The following LOC128125817 variants were observed in gnomAD, a reference collection of about 807,000 sequenced individuals.
the LOC128125817 span, among the ~76,000 whole-genome samples, chr1:41,591,170 T>A: frequency 6.6e-6 from 1 of 152,212 alleles, no homozygotes; most frequent in Admixed American, 6.5e-5. Flanking sequence ...GCTCTGCTGC[T>A]TTTAGGCTGA....
the LOC128125817 span, among the ~76,000 whole-genome samples, chr1:41,610,354 C>T: frequency 6.6e-6 from 1 of 152,230 alleles, no homozygotes; most frequent in Non-Finnish European, 1.5e-5. Context: ...TATTTGTTTA[C>T]AAGCTTTTCT....
At chr1:41,615,012 T>G in the LOC128125817 span, among the ~76,000 whole-genome samples, 1 of 152,230 alleles carries the variant, frequency 6.6e-6, no homozygotes, top group African/African-American at 2.4e-5. Flanking sequence ...GAAGGCCAGG[T>G]GGGCCCCACC....
the LOC128125817 span, among the ~76,000 whole-genome samples, chr1:41,615,167 G>C: frequency 6.6e-6 from 1 of 152,182 alleles, no homozygotes; most frequent in Non-Finnish European, 1.5e-5. Flanking sequence ...CTTGTTTAAA[G>C]GTTACTTCTT....
At chr1:41,614,248 T>C in the LOC128125817 span, among the ~76,000 whole-genome samples, 34 of 152,094 alleles carry the variant, frequency 2.2e-4, no homozygotes, top group African/African-American at 8.0e-4. Context: ...TGCCTGAAAA[T>C]ATAATTATCT....
the LOC128125817 span, among the ~76,000 whole-genome samples, chr1:41,613,122 C>T: frequency 6.6e-6 from 1 of 152,242 alleles, no homozygotes; most frequent in Non-Finnish European, 1.5e-5. Flanking sequence ...GGGCTCACTG[C>T]CTGCAGGGAC....
chr1:41,588,736 G>A, the LOC128125817 span, among the ~76,000 whole-genome samples: 2 of 152,172 alleles, frequency 1.3e-5, no homozygotes, highest in Non-Finnish European at 2.9e-5. Context: ...CAGAGTGAGC[G>A]AGGCCTGTGA....
At chr1:41,605,381 A>G in the LOC128125817 span, among the ~76,000 whole-genome samples, 26 of 150,844 alleles carry the variant, frequency 1.7e-4, no homozygotes, top group East Asian at 7.7e-4. Context: ...ACGCGCACAC[A>G]CACACACACA....
At chr1:41,611,073 G>A in the LOC128125817 span, among the ~76,000 whole-genome samples, 2 of 152,246 alleles carry the variant, frequency 1.3e-5, no homozygotes, top group Non-Finnish European at 2.9e-5. Flanking sequence ...GGCTCAGGGT[G>A]TGGGGGCAGA....
At chr1:41,622,711 G>A in the LOC128125817 span, among the ~76,000 whole-genome samples, 2 of 152,152 alleles carry the variant, frequency 1.3e-5, no homozygotes, top group African/African-American at 4.8e-5. Flanking sequence ...CAGATAGCAG[G>A]GTCAGATTTG....
the LOC128125817 span, among the ~76,000 whole-genome samples, chr1:41,592,443 T>C: frequency 6.6e-6 from 1 of 152,248 alleles, no homozygotes; most frequent in Non-Finnish European, 1.5e-5. Context: ...TTTCCTAGTT[T>C]GCTCAGGCTG....
At chr1:41,612,099 A>G in the LOC128125817 span, among the ~76,000 whole-genome samples, 1 of 118,054 alleles carries the variant, frequency 8.5e-6, no homozygotes, top group African/African-American at 3.3e-5. Flanking sequence ...ACTCCCACCC[A>G]CCTGTGCCCC....
chr1:41,619,474 T>C, the LOC128125817 span, among the ~76,000 whole-genome samples: 3 of 152,174 alleles, frequency 2.0e-5, no homozygotes, highest in Non-Finnish European at 4.4e-5. Flanking sequence ...AGTGACGATA[T>C]GTTTGTCTAT....
the LOC128125817 span, among the ~76,000 whole-genome samples, chr1:41,591,527 A>G: frequency 2.0e-5 from 3 of 152,054 alleles, no homozygotes; most frequent in Non-Finnish European, 4.4e-5. Context: ...CCAGGGCACA[A>G]GCTAGAACTG....
the LOC128125817 span, among the ~76,000 whole-genome samples, chr1:41,593,680 CT>C: frequency 6.6e-6 from 1 of 152,252 alleles, no homozygotes; most frequent in Non-Finnish European, 1.5e-5. Context: ...TATAAACTGT[CT>C]CTTTAACATT....
At chr1:41,585,477 T>C in the LOC128125817 span, among the ~76,000 whole-genome samples, 3 of 152,020 alleles carry the variant, frequency 2.0e-5, no homozygotes, top group Non-Finnish European at 4.4e-5. Context: ...AACCACAGGC[T>C]CCGGCTCCAC....
chr1:41,594,395 G>C, the LOC128125817 span, among the ~76,000 whole-genome samples: 131 of 151,928 alleles, frequency 8.6e-4, no homozygotes, highest in African/African-American at 2.9e-3. Context: ...GATAATTTTC[G>C]TATTTTTAGT....
At chr1:41,598,263 C>T in the LOC128125817 span, among the ~76,000 whole-genome samples, 8 of 152,236 alleles carry the variant, frequency 5.3e-5, no homozygotes, top group Non-Finnish European at 7.3e-5. Context: ...TTGTCAGTTT[C>T]TGGCAGGTCT....
the LOC128125817 span, among the ~76,000 whole-genome samples, chr1:41,587,087 T>C: frequency 1.0e-3 from 155 of 152,262 alleles, 1 homozygote; most frequent in African/African-American, 3.7e-3. Flanking sequence ...TGGAGTCTTA[T>C]AGCCAGACAG....
chr1:41,601,783 T>C, the LOC128125817 span, among the ~76,000 whole-genome samples: 1 of 152,198 alleles, frequency 6.6e-6, no homozygotes, highest in Non-Finnish European at 1.5e-5. Context: ...TGAATAGAAA[T>C]GGCAAGCAAG....
Sources: gnomAD v4.1 joint callset for allele counts (sites outside exome capture counted in the v4.1 genomes callset) on GRCh38, gnomAD v4.1.1 for gene constraint, MANE v1.5 for transcripts.